The following ADAMTS19 variants were observed in gnomAD, a reference collection of about 807,000 sequenced individuals.
ADAMTS19 encodes A disintegrin and metalloproteinase with thrombospondin motifs 19.
In ADAMTS19, 93 loss-of-function variants were observed where a neutral mutation model predicts 153.3. The ratio of observed to expected loss-of-function variants is 0.61; its 90% confidence interval spans 0.51 to 0.72. The LOEUF is 0.72. ADAMTS19 is among the 30% of genes least tolerant of loss of function. ADAMTS19 has a pLI of 0.00. For synonymous variants in ADAMTS19, 600 were observed against 556.6 expected (o/e 1.08, Z -1.10); for missense variants, 1,482 against 1,552.1 (o/e 0.95, Z 0.76).
intron 3 of ADAMTS19, among the ~76,000 whole-genome samples, chr5:129,523,779 A>G (rs1417185627): frequency 1.3e-5 from 2 of 152,154 alleles, no homozygotes; most frequent in Admixed American, 1.3e-4. Flanking sequence ...CTCTTCAAGG[A>G]GAATTGAAAA....
chr5:129,600,007 T>TA (rs985524894), intron 8 of ADAMTS19, among the ~76,000 whole-genome samples: 3 of 152,032 alleles, frequency 2.0e-5, no homozygotes, highest in African/African-American at 7.2e-5. Context: ...GTCATGTTTA[T>TA]AAAAAAACAA....
chr5:129,535,248 C>A (rs988025416), intron 6 of ADAMTS19, among the ~76,000 whole-genome samples: 2 of 152,148 alleles, frequency 1.3e-5, no homozygotes, highest in Non-Finnish European at 2.9e-5. Context: ...GCAAAAATCA[C>A]AAGCATTCTT....
chr5:129,599,511 A>AAC (rs1218012327), intron 8 of ADAMTS19, among the ~76,000 whole-genome samples: 2 of 152,198 alleles, frequency 1.3e-5, no homozygotes, highest in African/African-American at 4.8e-5. Context: ...TTTAAAAAGT[A>AAC]TATTTTTAAA....
At chr5:129,472,685 T>TTCAG (rs1750105671) in intron 2 of ADAMTS19, among the ~76,000 whole-genome samples, 1 of 151,968 alleles carries the variant, frequency 6.6e-6, no homozygotes, top group Admixed American at 6.6e-5. Flanking sequence ...AGTAAGTAGT[T>TTCAG]TCAGTCATCA....
chr5:129,476,560 G>A (rs1271647973), intron 2 of ADAMTS19, among the ~76,000 whole-genome samples: 1 of 152,090 alleles, frequency 6.6e-6, no homozygotes, highest in Non-Finnish European at 1.5e-5. Context: ...ATGTAAGCTT[G>A]TACAAAATTA....
chr5:129,716,071 A>G (rs1756714072), intron 21 of ADAMTS19, among the ~76,000 whole-genome samples: 1 of 152,272 alleles, frequency 6.6e-6, no homozygotes, highest in South Asian at 2.1e-4. Flanking sequence ...AAAATATTCC[A>G]TGTGATGGGG....
intron 21 of ADAMTS19, among the ~76,000 whole-genome samples, chr5:129,722,604 A>T (rs895525081): frequency 6.6e-6 from 1 of 152,076 alleles, no homozygotes; most frequent in Non-Finnish European, 1.5e-5. Context: ...GTTTAATTAG[A>T]TCCCATTTGT....
intron 16 of ADAMTS19, 104 bp from the exon 17 acceptor site, chr5:129,679,660 T>G (rs946475804): frequency 1.9e-6 from 2 of 1,063,146 alleles, no homozygotes; most frequent in African/African-American, 3.2e-5. Context: ...TTGATCCATT[T>G]GTTTGTAAAT....
intron 3 of ADAMTS19, among the ~76,000 whole-genome samples, chr5:129,520,595 A>G (rs1448030078): frequency 6.6e-6 from 1 of 152,142 alleles, no homozygotes; most frequent in Non-Finnish European, 1.5e-5. Context: ...TATTATTTGG[A>G]CAATAATTAT....
At chr5:129,536,549 T>G (rs28839517) in intron 6 of ADAMTS19, among the ~76,000 whole-genome samples, 2 of 152,258 alleles carry the variant, frequency 1.3e-5, no homozygotes, top group South Asian at 4.2e-4. Flanking sequence ...TGAACCAGCC[T>G]TCCCATTACT....
At chr5:129,549,215 AG>A (rs1239010103) in intron 6 of ADAMTS19, among the ~76,000 whole-genome samples, 2 of 150,678 alleles carry the variant, frequency 1.3e-5, no homozygotes, top group Non-Finnish European at 3.0e-5. Context: ...AAATAAAAAA[AG>A]AAATATAACT....
At chr5:129,669,710 G>A (rs936447792) in intron 16 of ADAMTS19, among the ~76,000 whole-genome samples, 23 of 151,640 alleles carry the variant, frequency 1.5e-4, no homozygotes, top group Non-Finnish European at 1.3e-4. Flanking sequence ...AGAGTTTATA[G>A]GTATACATTT....
At chr5:129,583,754 G>A (rs577418827) in intron 7 of ADAMTS19, among the ~76,000 whole-genome samples, 1 of 151,646 alleles carries the variant, frequency 6.6e-6, no homozygotes, top group African/African-American at 2.4e-5. Flanking sequence ...GTGTTTTTCA[G>A]CTCCATCGCA....
chr5:129,654,570 T>C (rs898319456), intron 14 of ADAMTS19, 137 bp downstream of exon 14: 6 of 956,472 alleles, frequency 6.3e-6, no homozygotes, highest in African/African-American at 3.4e-5. Flanking sequence ...GACTGTGACC[T>C]TGAGCAAGTC....
At chr5:129,703,714 A>G (rs1452543906) in intron 20 of ADAMTS19, among the ~76,000 whole-genome samples, 1 of 152,188 alleles carries the variant, frequency 6.6e-6, no homozygotes, top group Non-Finnish European at 1.5e-5. Context: ...CCGGGGCGAC[A>G]GAATGAGACT....
At chr5:129,663,287 T>C (rs1393529428) in intron 15 of ADAMTS19, among the ~76,000 whole-genome samples, 2 of 152,210 alleles carry the variant, frequency 1.3e-5, no homozygotes, top group Non-Finnish European at 2.9e-5. Context: ...TCTTCTTGAT[T>C]TTCTCCACTT....
intron 18 of ADAMTS19, among the ~76,000 whole-genome samples, chr5:129,685,262 G>C (rs1353394442): frequency 1.3e-5 from 2 of 152,034 alleles, no homozygotes; most frequent in African/African-American, 4.8e-5. Flanking sequence ...TGAGTGAAGA[G>C]AGAGAGAAGC....
chr5:129,692,529 C>T (rs542905815), intron 18 of ADAMTS19, among the ~76,000 whole-genome samples: 1 of 152,298 alleles, frequency 6.6e-6, no homozygotes, highest in East Asian at 1.9e-4. Context: ...CTTTCCTCTG[C>T]AAGTTAGCAT....
intron 8 of ADAMTS19, among the ~76,000 whole-genome samples, chr5:129,618,933 A>ACAT (rs1751652140): frequency 1.3e-5 from 2 of 152,182 alleles, no homozygotes; most frequent in Middle Eastern, 3.4e-3. Flanking sequence ...CCATGATTCA[A>ACAT]CATTGGTTAC....
Sources: allele counts gnomAD v4.1 joint callset (sites outside exome capture counted in the v4.1 genomes callset), GRCh38; gene constraint gnomAD v4.1.1; transcripts MANE v1.5; gene names NCBI Gene and HGNC (gene_info 2026-07-23, HGNC 2026-07-21).